The following INSL6 variants were observed in gnomAD, a reference collection of about 807,000 sequenced individuals.
The protein encoded by INSL6 is insulin-like peptide INSL6.
A neutral mutation model predicts 9.4 loss-of-function variants in INSL6; 16 were observed. That is an observed-to-expected ratio of 1.70 (90% confidence interval 1.15 to 2.59). The LOEUF (loss-of-function observed/expected upper bound fraction) is 2.59, where lower values mean the gene tolerates loss of function less well. Ranked by LOEUF, INSL6 falls within the 30% of genes most tolerant of loss-of-function variation. The pLI is 0.00. For missense variants in INSL6, 391 were observed against 257.3 expected (o/e 1.52, Z -3.56); for synonymous variants, 154 against 96.9 (o/e 1.59, Z -3.46).
the INSL6 span, chr9:5,055,029 G>A: frequency 1.9e-6 from 1 of 521,194 alleles, no homozygotes; most frequent in Non-Finnish European, 3.3e-6. Context: ...AACCTATCAA[G>A]GTCATATAAT....
chr9:5,119,743 GA>G (rs1179101182), downstream of INSL6, among the ~76,000 whole-genome samples: 1 of 152,068 alleles, frequency 6.6e-6, no homozygotes, highest in African/African-American at 2.4e-5. Context: ...CAACTTGTAT[GA>G]AAATCAGAAA....
chr9:5,052,784 T>C, the INSL6 span, among the ~76,000 whole-genome samples: 1 of 152,118 alleles, frequency 6.6e-6, no homozygotes, highest in African/African-American at 2.4e-5. Flanking sequence ...TCACTTAATA[T>C]GATGTTTCCA....
the INSL6 span, among the ~76,000 whole-genome samples, chr9:5,101,473 C>G: frequency 8.5e-5 from 13 of 152,386 alleles, no homozygotes; most frequent in South Asian, 2.7e-3. Context: ...GAAAAGGCAG[C>G]AGAAACTTCT....
At chr9:5,162,955 A>G (rs962359919), downstream of INSL6, among the ~76,000 whole-genome samples, 10 of 152,176 alleles carry the variant, frequency 6.6e-5, no homozygotes, top group Non-Finnish European at 1.5e-4. Context: ...TACTAAAATT[A>G]TGTCATGTGT....
At chr9:4,996,999 C>G in the INSL6 span, among the ~76,000 whole-genome samples, 1 of 145,674 alleles carries the variant, frequency 6.9e-6, no homozygotes, top group Non-Finnish European at 1.5e-5. Context: ...TCGATCACGG[C>G]TCACTGCAGC....
At chr9:5,185,175 C>T (rs1456624478) in intron 1 of INSL6, 139 bp downstream of exon 1, 5 of 1,050,920 alleles carry the variant, frequency 4.8e-6, no homozygotes, top group Admixed American at 4.3e-5. Context: ...TTTCAATACA[C>T]TGTTTTTTAC....
At chr9:5,090,515 A>T in the INSL6 span, 9 of 1,595,396 alleles carry the variant, frequency 5.6e-6, no homozygotes, top group Non-Finnish European at 6.8e-6. Flanking sequence ...CTTCAAAAAC[A>T]TAAAGAACGG....
chr9:5,111,816 C>T, the INSL6 span: 8 of 418,712 alleles, frequency 1.9e-5, no homozygotes, highest in East Asian at 6.5e-5. Flanking sequence ...ACGTAGGCGG[C>T]GTCTCCAGCC....
chr9:5,105,409 A>G, the INSL6 span, among the ~76,000 whole-genome samples: 1 of 152,348 alleles, frequency 6.6e-6, no homozygotes, highest in South Asian at 2.1e-4. Flanking sequence ...TCAATGAAAT[A>G]CAAGAGGACA....
At chr9:5,090,449 G>A in the INSL6 span, 9 of 1,544,162 alleles carry the variant, frequency 5.8e-6, no homozygotes, top group African/African-American at 2.8e-5. Context: ...TTAAAAGGTC[G>A]GCGTAATCTA....
chr9:5,170,874 G>A (rs1825166496), intron 1 of INSL6, among the ~76,000 whole-genome samples: 1 of 152,118 alleles, frequency 6.6e-6, no homozygotes, highest in Admixed American at 6.6e-5. Flanking sequence ...AAAAAGCCCA[G>A]GACCAGATGG....
chr9:5,173,179 T>A (rs1200901531), intron 1 of INSL6, among the ~76,000 whole-genome samples: 1 of 152,152 alleles, frequency 6.6e-6, no homozygotes, highest in African/African-American at 2.4e-5. Context: ...GGAATGTAAA[T>A]TAGTTCAACC....
the INSL6 span, among the ~76,000 whole-genome samples, chr9:5,065,525 A>G: frequency 6.6e-6 from 1 of 152,208 alleles, no homozygotes; most frequent in Non-Finnish European, 1.5e-5. Context: ...TGTGTAACAC[A>G]GCAGCCACTA....
In INSL6 at chr9:5,164,054, G is replaced by T. The variant is rs779182047; in HGVS notation, c.501C>A (p.Pro167=). 2.4e-5 allele frequency: 38 copies of T among 1,613,422 alleles called. No individual in the cohort carries two copies. The African/African-American group carries it at 3.9e-4, about 16-fold the overall frequency. ...CTGAATATCCTCTGCGTTTTCTTTG[G>T]GGATGATGCCCCCAAAACAAATTGC... ...TLSNLFWGHH[P]QRKRRGYSEK... is the part of the protein sequence containing the mutation. The change falls in exon 2 of 2, where the codon CCC becomes CCA. Residue 167 remains proline, a synonymous_variant. Coordinates refer to ENST00000381641, the MANE Select transcript of INSL6 (RefSeq NM_007179.3).
the INSL6 span, among the ~76,000 whole-genome samples, chr9:5,084,475 A>G: frequency 3.9e-5 from 6 of 152,142 alleles, no homozygotes; most frequent in Non-Finnish European, 5.9e-5. Flanking sequence ...AAAATATTCC[A>G]AAGAGGGATA....
At chr9:5,042,025 C>A in the INSL6 span, 1 of 316,238 alleles carries the variant, frequency 3.2e-6, no homozygotes, top group Non-Finnish European at 6.1e-6. Context: ...CAGGGCCAGA[C>A]GCTGGCTGGA....
chr9:5,058,132 G>A, the INSL6 span, among the ~76,000 whole-genome samples: 1 of 152,138 alleles, frequency 6.6e-6, no homozygotes, highest in Non-Finnish European at 1.5e-5. Context: ...ACAATTGTGA[G>A]TAATGCTGCT....
At chr9:5,011,626 C>T in the INSL6 span, among the ~76,000 whole-genome samples, 3 of 151,582 alleles carry the variant, frequency 2.0e-5, no homozygotes, top group African/African-American at 7.3e-5. Flanking sequence ...TTTGGGTCTG[C>T]TTTGGGTCCA....
At chr9:5,110,546 A>G in the INSL6 span, 1 of 167,148 alleles carries the variant, frequency 6.0e-6, no homozygotes, top group Non-Finnish European at 1.3e-5. Flanking sequence ...AAATAGGACT[A>G]TTCAAGACTT....
Sources: gnomAD v4.1 joint callset for allele counts (sites outside exome capture counted in the v4.1 genomes callset) on GRCh38, gnomAD v4.1.1 for gene constraint, MANE v1.5 for transcripts, NCBI Gene and HGNC (gene_info 2026-07-23, HGNC 2026-07-21) for gene names.